GRIA1: variants seen among roughly 807,000 people sequenced by gnomAD.
GRIA1 encodes glutamate ionotropic receptor AMPA type subunit 1.
GRIA1 carries 31 observed loss-of-function variants against 99.2 expected under a neutral mutation model. That is an observed-to-expected ratio of 0.31 (90% CI 0.23 to 0.42). GRIA1 has a LOEUF of 0.42. GRIA1 is among the 10% of genes least tolerant of loss of function. GRIA1 has a pLI of 1.00. For missense variants in GRIA1, 782 were observed against 1,157.5 expected, an observed-to-expected ratio of 0.68 and a Z score of 4.71; for synonymous variants, 438 against 432.4, an observed-to-expected ratio of 1.01 and a Z score of -0.16.
At chr5:153,592,655 A>G (rs2149387787) in intron 2 of GRIA1, among the ~76,000 whole-genome samples, 1 of 152,274 alleles carries the variant, frequency 6.6e-6, no homozygotes, top group East Asian at 1.9e-4. Context: ...GGATCACTTT[A>G]GGCTCTCTTA....
intron 2 of GRIA1, among the ~76,000 whole-genome samples, chr5:153,613,002 G>A (rs145380488): frequency 6.6e-4 from 100 of 152,198 alleles, no homozygotes; most frequent in African/African-American, 2.3e-3. Context: ...TTTTGACTGC[G>A]CATCTGAATA....
intron 2 of GRIA1, among the ~76,000 whole-genome samples, chr5:153,625,583 A>G (rs1767524700): frequency 6.6e-6 from 1 of 152,186 alleles, no homozygotes; most frequent in Non-Finnish European, 1.5e-5. Flanking sequence ...GTATTGATAT[A>G]CCAGTGCAGA....
intron 14 of GRIA1, among the ~76,000 whole-genome samples, chr5:153,797,897 G>A (rs972702951): frequency 3.9e-5 from 6 of 152,182 alleles, no homozygotes; most frequent in African/African-American, 7.2e-5. Flanking sequence ...AAGAGCAGAC[G>A]TTACCAATTA....
intron 2 of GRIA1, among the ~76,000 whole-genome samples, chr5:153,606,430 C>G (rs1292284097): frequency 6.6e-6 from 1 of 151,976 alleles, no homozygotes; most frequent in Non-Finnish European, 1.5e-5. Context: ...TGTCACATTC[C>G]AAATAAAACC....
At chr5:153,747,737 T>C (rs1762253142) in intron 11 of GRIA1, among the ~76,000 whole-genome samples, 1 of 152,230 alleles carries the variant, frequency 6.6e-6, no homozygotes, top group Admixed American at 6.5e-5. Flanking sequence ...CCCAGTTACG[T>C]GACATCTCTT....
chr5:153,547,361 C>T (rs1759703774), intron 2 of GRIA1, among the ~76,000 whole-genome samples: 1 of 152,062 alleles, frequency 6.6e-6, no homozygotes, highest in South Asian at 2.1e-4. Flanking sequence ...CTATTTCTCT[C>T]TCTTTTAACC....
intron 2 of GRIA1, among the ~76,000 whole-genome samples, chr5:153,614,884 A>AC (rs1224214846): frequency 6.6e-6 from 1 of 152,208 alleles, no homozygotes; most frequent in Non-Finnish European, 1.5e-5. Flanking sequence ...TTCAGGCAGG[A>AC]CCCAGTGGCA....
chr5:153,548,292 C>T (rs1234676569), intron 2 of GRIA1, among the ~76,000 whole-genome samples: 1 of 152,192 alleles, frequency 6.6e-6, no homozygotes, highest in Non-Finnish European at 1.5e-5. Flanking sequence ...CTCGTGAGCT[C>T]CGCATGGTCC....
chr5:153,739,396 A>G (rs1312288955), intron 11 of GRIA1, among the ~76,000 whole-genome samples: 1 of 152,144 alleles, frequency 6.6e-6, no homozygotes, highest in Admixed American at 6.5e-5. Flanking sequence ...TCATCTGGTA[A>G]GCCTGGAAAG....
chr5:153,677,802 G>C lies in GRIA1; in HGVS notation c.1029+641G>C, dbSNP rs558908115. On this transcript the variant is annotated intron_variant, in intron 7 of 15. Transcript: ENST00000285900. ...TGCTGTGGAAGCAGCATGAGACAGT[G>C]GTACATGTGGGTGTATATTTAACAT... 1.8e-4 allele frequency among the ~76,000 whole-genome samples: 27 copies of C among 152,316 alleles called. No individual in the cohort carries two copies. The South Asian group carries it at 5.4e-3, about 30-fold the overall frequency.
intron 2 of GRIA1, among the ~76,000 whole-genome samples, chr5:153,528,081 T>C (rs1561613462): frequency 6.6e-6 from 1 of 152,210 alleles, no homozygotes. Context: ...CACCTGAGTG[T>C]TTATGCTTGC....
At position 153,695,599 on chromosome 5, in the gene GRIA1, T is replaced by G. The variant is rs541259264; in HGVS notation, c.1135-2445T>G. Among the ~76,000 whole-genome samples the G allele has an allele frequency of 3.3e-5, 5 of 152,326 alleles. No individual in the cohort carries two copies. In the South Asian group the frequency reaches 1.0e-3, roughly 32 times the overall value. ...AATTCTGTGGTCTCTGCGCCTCTGC[T>G]TCTCCCTGTGAAAAAGGAAAAAGTT... On this transcript the variant is annotated intron_variant, in intron 8 of 15. Transcript: ENST00000285900.
chr5:153,497,296 T>C (rs1754536233), intron 2 of GRIA1, among the ~76,000 whole-genome samples: 1 of 152,212 alleles, frequency 6.6e-6, no homozygotes, highest in South Asian at 2.1e-4. Context: ...CTACCCAGCT[T>C]ATTTTGGTGC....
At chr5:153,808,423 TAGA>T (rs1443215188) in intron 15 of GRIA1, among the ~76,000 whole-genome samples, 1 of 152,126 alleles carries the variant, frequency 6.6e-6, no homozygotes, top group Non-Finnish European at 1.5e-5. Context: ...GAATCACATT[TAGA>T]AGGTCATTCA....
At chr5:153,641,177 A>C (rs183369670) in intron 2 of GRIA1, among the ~76,000 whole-genome samples, 2 of 152,064 alleles carry the variant, frequency 1.3e-5, no homozygotes, top group Non-Finnish European at 1.5e-5. Flanking sequence ...CCCTCCCCTA[A>C]AATGAAGCTG....
At position 153,761,001 on chromosome 5, in the gene GRIA1, T is replaced by C. The variant is rs576631782; in HGVS notation, c.1824-3433T>C. The stretch of plus-strand genomic sequence containing the variant: ...CATGCAGAATTAGACTAGATCCCTA[T>C]CTCTCACTAGGTACCAAAATCACCT... On this transcript the variant is annotated intron_variant, in intron 11 of 15. Coordinates refer to ENST00000285900, the MANE Select transcript of GRIA1 (RefSeq NM_000827.4). Among the ~76,000 whole-genome samples the C allele has an allele frequency of 1.3e-4, 20 of 152,224 alleles. No homozygotes were observed. In the East Asian group the frequency reaches 2.7e-3, roughly 21 times the overall value.
At chr5:153,545,348 C>A (rs752059480) in intron 2 of GRIA1, among the ~76,000 whole-genome samples, 1 of 151,938 alleles carries the variant, frequency 6.6e-6, no homozygotes, top group East Asian at 1.9e-4. Flanking sequence ...GGGGTATGTA[C>A]AATGCAGAAG....
At chr5:153,662,557 T>A (rs138803183) in intron 5 of GRIA1, among the ~76,000 whole-genome samples, 1 of 152,156 alleles carries the variant, frequency 6.6e-6, no homozygotes, top group East Asian at 1.9e-4. Context: ...TCATGTAGAG[T>A]GTGCCCTCCC....
In GRIA1 at chr5:153,598,982, T is replaced by A. The variant is rs200121170; in HGVS notation, c.221-47946T>A. Reference sequence around the variant, plus strand: ...CCGCAAGCTCCACCTCCCAGGTTCATGCCATTCTCCTGCCTCAGCCTCCCG... The same window carrying A: ...CCGCAAGCTCCACCTCCCAGGTTCAAGCCATTCTCCTGCCTCAGCCTCCCG... On this transcript the variant is annotated intron_variant, in intron 2 of 15. Coordinates refer to ENST00000285900, the MANE Select transcript of GRIA1 (RefSeq NM_000827.4). Among the ~76,000 whole-genome samples the A allele has an allele frequency of 1.7e-3, 266 of 152,208 alleles. 1 individual carries two copies. Among genetic ancestry groups the A allele is most frequent in the East Asian group, 0.015 (77 of 5,158 alleles).
Sources: allele counts gnomAD v4.1 joint callset (sites outside exome capture counted in the v4.1 genomes callset), GRCh38; gene constraint gnomAD v4.1.1; transcripts MANE v1.5; gene names NCBI Gene and HGNC (gene_info 2026-07-23, HGNC 2026-07-21).